The following DAB1 variants were observed in gnomAD, a reference collection of about 807,000 sequenced individuals.
DAB1 encodes the protein DAB adaptor protein 1.
Under a neutral mutation model 64.6 loss-of-function variants are expected in DAB1, and 15 were observed. That is an observed-to-expected ratio of 0.23 (90% CI 0.16 to 0.36). The LOEUF (loss-of-function observed/expected upper bound fraction) is 0.36. DAB1 is among the 10% of genes least tolerant of loss of function. DAB1 has a pLI of 1.00. For missense variants in DAB1, 596 were observed against 706.7 expected, an observed-to-expected ratio of 0.84 and a Z score of 1.78; for synonymous variants, 235 against 251.9, an observed-to-expected ratio of 0.93 and a Z score of 0.64.
At chr1:57,538,040 C>T (rs10889049) in intron 7 of DAB1, among the ~76,000 whole-genome samples, 99,435 of 151,856 alleles carry the variant, frequency 0.65, 34,495 homozygotes, top group Non-Finnish European at 0.77. Flanking sequence ...ATCCATGAGA[C>T]ATCCACCCCA....
intron 7 of DAB1, among the ~76,000 whole-genome samples, chr1:57,525,111 C>T (rs76156849): frequency 0.012 from 1,880 of 152,242 alleles, 52 homozygotes; most frequent in African/African-American, 0.04. Context: ...ACCTCCTGCA[C>T]ACAAAATCAT....
At chr1:57,030,794 T>C (rs1435923236) in intron 9 of DAB1, among the ~76,000 whole-genome samples, 1 of 152,246 alleles carries the variant, frequency 6.6e-6, no homozygotes, top group African/African-American at 2.4e-5. Flanking sequence ...TTGGTGAAGC[T>C]ATGCTAGTCT....
intron 9 of DAB1, among the ~76,000 whole-genome samples, chr1:57,038,612 T>C (rs113927926): frequency 2.0e-5 from 3 of 152,160 alleles, no homozygotes; most frequent in African/African-American, 7.2e-5. Context: ...TCCTCCTTCT[T>C]CCAGCTTCCA....
intron 7 of DAB1, among the ~76,000 whole-genome samples, chr1:57,593,603 A>C (rs1645471649): frequency 6.6e-6 from 1 of 152,258 alleles, no homozygotes; most frequent in South Asian, 2.1e-4. Flanking sequence ...AGACAATAGT[A>C]TGTCAATTAT....
At chr1:58,528,431 T>C (rs1316935573) in intron 1 of DAB1, among the ~76,000 whole-genome samples, 2 of 152,228 alleles carry the variant, frequency 1.3e-5, no homozygotes, top group East Asian at 1.9e-4. Context: ...CTCATATTTA[T>C]TGAGCCCTGA....
At position 58,113,670 on chromosome 1, in the gene DAB1, G is replaced by T. The variant is rs117424619; in HGVS notation, n.387+36841C>A. 2.6e-5 allele frequency among the ~76,000 whole-genome samples: 4 copies of T among 151,638 alleles called. No homozygotes were observed. The East Asian group carries it at 5.8e-4, about 22-fold the overall frequency. On this transcript the variant is annotated intron_variant and non_coding_transcript_variant, in intron 5 of 20. Transcript: ENST00000485760. Reference sequence around the variant, plus strand: ...ACACACTCCCTAAGCAGACTGTGCTGCTGCAGGAAAGATAAGGGGAGCTCA... The same window carrying T: ...ACACACTCCCTAAGCAGACTGTGCTTCTGCAGGAAAGATAAGGGGAGCTCA...
At chr1:57,682,744 G>A (rs1197858279) in intron 6 of DAB1, among the ~76,000 whole-genome samples, 5 of 152,090 alleles carry the variant, frequency 3.3e-5, no homozygotes, top group Non-Finnish European at 7.4e-5. Context: ...GCTTTTGTGT[G>A]GGGGGAAGCT....
At chr1:58,118,503 T>TATATATACACACACACACAC (rs1341446315) in intron 5 of DAB1, among the ~76,000 whole-genome samples, 9 of 53,104 alleles carry the variant, frequency 1.7e-4, no homozygotes, top group East Asian at 1.3e-3. Context: ...TATATATATA[T>TATATATACACACACACACAC]ACACACACAC....
At chr1:57,086,619 A>T (rs1464080018) in intron 4 of DAB1, among the ~76,000 whole-genome samples, 1 of 148,358 alleles carries the variant, frequency 6.7e-6, no homozygotes, top group Non-Finnish European at 1.5e-5. Flanking sequence ...GTTCTTTAGT[A>T]ACAGGTGACA....
intron 2 of DAB1, among the ~76,000 whole-genome samples, chr1:57,218,759 C>T (rs1367352615): frequency 6.6e-6 from 1 of 152,086 alleles, no homozygotes. Context: ...AACTAAGTGT[C>T]CTCAAGAGAG....
intron 6 of DAB1, among the ~76,000 whole-genome samples, chr1:57,653,846 A>G (rs1646284872): frequency 6.6e-6 from 1 of 152,078 alleles, no homozygotes; most frequent in South Asian, 2.1e-4. Context: ...CCTGACCTCA[A>G]GTGATCCACC....
At chr1:57,179,352 C>T (rs114220472) in intron 2 of DAB1, among the ~76,000 whole-genome samples, 65 of 152,324 alleles carry the variant, frequency 4.3e-4, no homozygotes, top group African/African-American at 1.5e-3. Flanking sequence ...GGGGAAACCC[C>T]AAAGGGCTAC....
intron 6 of DAB1, among the ~76,000 whole-genome samples, chr1:57,757,900 T>C: frequency 6.6e-6 from 1 of 152,102 alleles, no homozygotes; most frequent in South Asian, 2.1e-4. Flanking sequence ...CTCTGTAGCA[T>C]TGAACTTCTA....
At chr1:57,852,874 T>C (rs903407325) in intron 1 of DAB1, among the ~76,000 whole-genome samples, 5 of 152,164 alleles carry the variant, frequency 3.3e-5, no homozygotes, top group African/African-American at 1.2e-4. Flanking sequence ...CTGTTTTGTT[T>C]GTGACAGCAG....
chr1:57,999,056 T>C (rs1223147119), intron 5 of DAB1, among the ~76,000 whole-genome samples: 1 of 152,234 alleles, frequency 6.6e-6, no homozygotes, highest in Non-Finnish European at 1.5e-5. Context: ...ATTTGTGAGC[T>C]GCTGTGAATA....
chr1:58,119,479 G>A (rs1170354243), intron 5 of DAB1, among the ~76,000 whole-genome samples: 2 of 152,166 alleles, frequency 1.3e-5, no homozygotes, highest in Non-Finnish European at 2.9e-5. Context: ...CTTTCTCAGA[G>A]CTGAATCATT....
intron 2 of DAB1, among the ~76,000 whole-genome samples, chr1:57,155,117 C>G (rs12073675): frequency 0.38 from 57,088 of 151,994 alleles, 11,268 homozygotes; most frequent in Middle Eastern, 0.47. Flanking sequence ...CCATGTCCTG[C>G]AGATTTTCTC....
At chr1:57,101,219 AACCAACAGAG>A (rs1654659909) in intron 4 of DAB1, among the ~76,000 whole-genome samples, 1 of 152,228 alleles carries the variant, frequency 6.6e-6, no homozygotes, top group Admixed American at 6.5e-5. Context: ...AGGACTTTAG[AACCAACAGAG>A]GCAATCCTTT....
intron 5 of DAB1, among the ~76,000 whole-genome samples, chr1:58,085,285 G>A (rs1650234454): frequency 6.6e-6 from 1 of 152,162 alleles, no homozygotes; most frequent in African/African-American, 2.4e-5. Flanking sequence ...TGAAGCTGCT[G>A]TCCTTAGTAT....
Sources: allele counts gnomAD v4.1 joint callset (sites outside exome capture counted in the v4.1 genomes callset), GRCh38; gene constraint gnomAD v4.1.1; transcripts MANE v1.5; gene names NCBI Gene and HGNC (gene_info 2026-07-23, HGNC 2026-07-21).